Variants in ZNF398 observed in about 807,000 individuals in gnomAD.
The protein encoded by ZNF398 is zinc finger protein 398, also known as zinc finger DNA binding protein ZER6.
ZNF398 carries 18 observed loss-of-function variants against 41.9 expected under a neutral mutation model. The observed-to-expected ratio is 0.43, with a 90% confidence interval of 0.30 to 0.64. The LOEUF (loss-of-function observed/expected upper bound fraction) is 0.64, where lower values mean the gene tolerates loss of function less well. Among genes scored for constraint, ZNF398 ranks in the 30% least tolerant of loss-of-function variants. ZNF398 has a pLI of 0.14. For synonymous variants in ZNF398, 260 were observed against 308.8 expected, an observed-to-expected ratio of 0.84 and a Z score of 1.66; for missense variants, 669 against 822.8, an observed-to-expected ratio of 0.81 and a Z score of 2.29.
chr7:149,140,739 CA>C (rs202198513), intron 2 of ZNF398, among the ~76,000 whole-genome samples: 30 of 143,950 alleles, frequency 2.1e-4, no homozygotes, highest in African/African-American at 1.8e-4. Flanking sequence ...TCTGTCCTTT[CA>C]AAAAAAAAAA....
intron 2 of ZNF398, among the ~76,000 whole-genome samples, chr7:149,129,720 A>AT (rs1826561142): frequency 6.6e-6 from 1 of 151,868 alleles, no homozygotes; most frequent in Non-Finnish European, 1.5e-5. Context: ...ATTCCATGTT[A>AT]TGATATACTG....
chr7:149,156,096 G>A (rs989564645), intron 2 of ZNF398, among the ~76,000 whole-genome samples: 8 of 152,092 alleles, frequency 5.3e-5, no homozygotes, highest in Non-Finnish European at 7.3e-5. Context: ...AACTGAAGAA[G>A]GGAGGAAATA....
chr7:149,155,013 G>A (rs915471923), intron 2 of ZNF398, among the ~76,000 whole-genome samples: 3 of 147,328 alleles, frequency 2.0e-5, no homozygotes, highest in Non-Finnish European at 3.0e-5. Context: ...AAGGCCTGGC[G>A]AGATGACTCA....
chr7:149,158,880 A>C (rs998996473), intron 2 of ZNF398, among the ~76,000 whole-genome samples: 8 of 152,082 alleles, frequency 5.3e-5, no homozygotes, highest in African/African-American at 1.9e-4. Flanking sequence ...GAATAATAGT[A>C]AAGGTAAGTT....
At chr7:149,152,248 T>C (rs1449644818) in intron 1 of ZNF398, among the ~76,000 whole-genome samples, 2 of 142,706 alleles carry the variant, frequency 1.4e-5, no homozygotes, top group Admixed American at 7.6e-5. Flanking sequence ...ATAATGTGAT[T>C]TCCCTTAAAG....
At chr7:149,163,933 G>A (rs1212297920) in intron 2 of ZNF398, among the ~76,000 whole-genome samples, 1 of 151,928 alleles carries the variant, frequency 6.6e-6, no homozygotes, top group Non-Finnish European at 1.5e-5. Context: ...CCAATATGGT[G>A]AAACCCCGTG....
Position 149,178,807 on chromosome 7 carries a change from C to T in ZNF398, c.935C>T (p.Pro312Leu), listed in dbSNP as rs1455353441. ...QSTSMTPFGR[P>L]ATDLPEASEG... Reference sequence around the variant, plus strand: ...ACATCCATGACACCTTTTGGACGTCCAGCCACTGACCTGCCTGAAGCCTCT... The same window carrying T: ...ACATCCATGACACCTTTTGGACGTCTAGCCACTGACCTGCCTGAAGCCTCT... Residue 312 changes from proline (P) to leucine (L), a missense_variant, in exon 6 of 6, where the codon CCA becomes CTA. This residue lies in a region of ZNF398 where 290 missense variants were observed against 292.9 expected (regional missense o/e 0.99). Coordinates refer to ENST00000475153, the MANE Select transcript of ZNF398 (RefSeq NM_170686.3). The T allele has an allele frequency of 1.2e-6, 2 of 1,614,188 alleles. No individual in the cohort carries two copies. Among genetic ancestry groups the T allele is most frequent in the African/African-American group, 2.7e-5 (2 of 75,038 alleles).
chr7:149,162,339 G>C (rs892116591), intron 2 of ZNF398, among the ~76,000 whole-genome samples: 5 of 152,032 alleles, frequency 3.3e-5, no homozygotes, highest in African/African-American at 1.2e-4. Context: ...CTGCCACCAC[G>C]CCTGGCTAAT....
At chr7:149,164,147 C>T (rs987828966) in intron 2 of ZNF398, among the ~76,000 whole-genome samples, 11 of 149,486 alleles carry the variant, frequency 7.4e-5, no homozygotes, top group African/African-American at 1.7e-4. Flanking sequence ...GTGGCTTGAG[C>T]CTGTAATCCC....
Position 149,178,636 on chromosome 7 carries a change from CTT to C in ZNF398, c.776-9_776-8del, listed in dbSNP as rs1168054657. On this transcript the variant is annotated splice_polypyrimidine_tract_variant and intron_variant, in intron 5 of 5. Coordinates refer to ENST00000475153, the MANE Select transcript of ZNF398 (RefSeq NM_170686.3). ...TTATTGATGGGTATAACTCTGGAGTCTTTTCTTTCAGATGAAGAGCTTGTCAT... is the reference window on the plus strand; with the variant it reads ...TTATTGATGGGTATAACTCTGGAGTCTTCTTTCAGATGAAGAGCTTGTCAT... 4 of 1,608,474 alleles carry C rather than the reference CTT, an allele frequency of 2.5e-6. No individual in the cohort carries two copies. Among genetic ancestry groups the C allele is most frequent in the Non-Finnish European group, 3.4e-6 (4 of 1,177,410 alleles).
At chr7:149,156,980 A>G (rs542150245) in intron 2 of ZNF398, among the ~76,000 whole-genome samples, 2 of 152,276 alleles carry the variant, frequency 1.3e-5, no homozygotes, top group South Asian at 4.1e-4. Flanking sequence ...AACTTGCCCG[A>G]GGTCACATAG....
intron 1 of ZNF398, among the ~76,000 whole-genome samples, chr7:149,127,940 C>G (rs1037535551): frequency 6.6e-6 from 1 of 152,118 alleles, no homozygotes; most frequent in Non-Finnish European, 1.5e-5. Context: ...CTGATCTGCT[C>G]TTGAAACCTA....
chr7:149,154,988 T>TA (rs35980793), intron 2 of ZNF398, among the ~76,000 whole-genome samples: 3,058 of 132,030 alleles, frequency 0.023, 106 homozygotes, highest in African/African-American at 0.081. Context: ...AAACTCCTTC[T>TA]AAAAAAAAAA....
At chr7:149,152,006 G>T (rs148524610) in intron 1 of ZNF398, among the ~76,000 whole-genome samples, 11,171 of 151,940 alleles carry the variant, frequency 0.074, 406 homozygotes, top group Middle Eastern at 0.094. Flanking sequence ...GCCGAGGAGG[G>T]CGGATCACGA....
At position 149,147,929 on chromosome 7, in the gene ZNF398, C is replaced by G. The variant is rs1826998779; in HGVS notation, c.24+163C>G. Among the ~76,000 whole-genome samples the G allele has an allele frequency of 6.6e-6, 1 of 152,096 alleles. No homozygotes were observed. The highest frequency in any genetic ancestry group is 2.1e-4 in the South Asian group (1 of 4,832). ...GCGGCTGCAGCCTCGCGTGAGGGGA[C>G]TTAGCGGGTGGGTGTGAAACCGCCC... On this transcript the variant is annotated intron_variant, in intron 1 of 5. Coordinates refer to ENST00000475153, the MANE Select transcript of ZNF398 (RefSeq NM_170686.3). The surrounding 1 kb of genome is among the most constrained non-coding windows in gnomAD (Gnocchi z 5.6).
At chr7:149,174,529 A>C (rs534489043) in intron 4 of ZNF398, among the ~76,000 whole-genome samples, 2 of 152,160 alleles carry the variant, frequency 1.3e-5, no homozygotes, top group Non-Finnish European at 2.9e-5. Flanking sequence ...AGTGTTTTAA[A>C]AGTCAGGTTT....
In ZNF398 at chr7:149,151,699, T is replaced by A. The variant is rs564426549; in HGVS notation, c.25-2246T>A. ...TAAAAATAAAAAAATAAAAAAAAAATTAAGCTATAGAAGACATCCTGAGGT... is the reference window on the plus strand; with the variant it reads ...TAAAAATAAAAAAATAAAAAAAAAAATAAGCTATAGAAGACATCCTGAGGT... On this transcript the variant is annotated intron_variant, in intron 1 of 5. Transcript: ENST00000475153. Among the ~76,000 whole-genome samples, 4 of 152,056 alleles carry A rather than the reference T, an allele frequency of 2.6e-5. No individual in the cohort carries two copies. In the South Asian group the frequency reaches 8.3e-4, roughly 32 times the overall value.
chr7:149,142,560 G>T (rs539259760), upstream of ZNF398, among the ~76,000 whole-genome samples: 1 of 152,188 alleles, frequency 6.6e-6, no homozygotes, highest in Non-Finnish European at 1.5e-5. Context: ...CCAGCTACTC[G>T]GGAGGCTGAG....
intron 2 of ZNF398, among the ~76,000 whole-genome samples, chr7:149,130,136 C>T (rs1826569284): frequency 6.6e-6 from 1 of 152,084 alleles, no homozygotes; most frequent in South Asian, 2.1e-4. Flanking sequence ...CACTCTGTTG[C>T]CCAGGCTGGA....
Sources: allele counts gnomAD v4.1 joint callset (sites outside exome capture counted in the v4.1 genomes callset), GRCh38; gene constraint gnomAD v4.1.1; regional missense constraint gnomAD v4.1.1; non-coding constraint Gnocchi (gnomAD v3.1); transcripts MANE v1.5; gene names NCBI Gene and HGNC (gene_info 2026-07-23, HGNC 2026-07-21).